The following TNR variants were observed in gnomAD, a reference collection of about 807,000 sequenced individuals.
The protein encoded by TNR is tenascin-R.
TNR carries 45 observed loss-of-function variants against 150.4 expected under a neutral mutation model. That is an observed-to-expected ratio of 0.30 (90% CI 0.24 to 0.38). TNR has a LOEUF of 0.38. TNR is among the 10% of genes least tolerant of loss of function. TNR has a pLI of 1.00. For missense variants in TNR, 1,544 were observed against 1,759.1 expected (o/e 0.88, Z 2.19); for synonymous variants, 687 against 678.4 (o/e 1.01, Z -0.20).
intron 2 of TNR, among the ~76,000 whole-genome samples, chr1:175,480,335 G>A (rs1657728345): frequency 1.4e-5 from 2 of 137,958 alleles, no homozygotes; most frequent in Admixed American, 7.9e-5. Flanking sequence ...AGAGAGAGAA[G>A]GAAGGAAGGA....
intron 9 of TNR, 97 bp downstream of exon 9, chr1:175,379,455 A>C: frequency 1.8e-4 from 179 of 982,198 alleles, no homozygotes; most frequent in Non-Finnish European, 2.3e-4. Context: ...ATCAATAGGA[A>C]TTGGCCATGG....
At chr1:175,656,265 C>A (rs368913423) in intron 1 of TNR, among the ~76,000 whole-genome samples, 2 of 151,796 alleles carry the variant, frequency 1.3e-5, no homozygotes, top group East Asian at 3.9e-4. Flanking sequence ...CCTGTGCCAA[C>A]CCTGAGGTGT....
At chr1:175,467,906 T>A (rs910505483) in intron 2 of TNR, among the ~76,000 whole-genome samples, 3 of 152,238 alleles carry the variant, frequency 2.0e-5, no homozygotes, top group Non-Finnish European at 4.4e-5. Flanking sequence ...GAAAAATAGA[T>A]TCAGCCTACT....
chr1:175,533,909 A>G (rs1660169329), intron 1 of TNR, among the ~76,000 whole-genome samples: 1 of 152,234 alleles, frequency 6.6e-6, no homozygotes, highest in South Asian at 2.1e-4. Context: ...AAAAGCACAC[A>G]GTCACATTTT....
At chr1:175,361,373 C>A (rs1473702524) in intron 14 of TNR, among the ~76,000 whole-genome samples, 1 of 152,114 alleles carries the variant, frequency 6.6e-6, no homozygotes, top group Non-Finnish European at 1.5e-5. Flanking sequence ...ATAGAGGCTT[C>A]TTTTGGTGTA....
chr1:175,587,776 T>C (rs1276932766), intron 1 of TNR, among the ~76,000 whole-genome samples: 1 of 152,210 alleles, frequency 6.6e-6, no homozygotes, highest in Admixed American at 6.5e-5. Flanking sequence ...AGGTGATTTT[T>C]AATGTGCAGA....
intron 2 of TNR, among the ~76,000 whole-genome samples, chr1:175,517,795 G>A (rs1006250623): frequency 2.9e-4 from 44 of 152,124 alleles, no homozygotes; most frequent in African/African-American, 9.7e-4. Flanking sequence ...TTTGCTGTGC[G>A]TCTTGCTCAC....
intron 1 of TNR, among the ~76,000 whole-genome samples, chr1:175,618,335 A>G (rs1335482302): frequency 6.6e-6 from 1 of 152,220 alleles, no homozygotes; most frequent in Non-Finnish European, 1.5e-5. Flanking sequence ...AAGTGATATC[A>G]TTAGAGCCCA....
chr1:175,700,956 T>C (rs1047416862), intron 1 of TNR, among the ~76,000 whole-genome samples: 1 of 152,174 alleles, frequency 6.6e-6, no homozygotes, highest in Non-Finnish European at 1.5e-5. Context: ...TCCAAATAAA[T>C]ACCCATCTTC....
Position 175,365,940 on chromosome 1 carries a change from A to T in TNR, c.2252T>A (p.Ile751Asn). The T allele has an allele frequency of 6.2e-7, 1 of 1,614,076 alleles. No homozygotes were observed. The change falls in exon 11 of 23, where the codon ATC becomes AAC. Residue 751 changes from isoleucine to asparagine, a missense_variant. Physicochemically the swap from Ile to Asn is moderately radical, Grantham distance 149. Coordinates refer to ENST00000367674, the MANE Select transcript of TNR (RefSeq NM_003285.3). ...LTDLEPGAEY[I>N]ISVTAERGRQ... The stretch of plus-strand genomic sequence containing the variant: ...ACCCCTCTCAGCAGTGACGGAAATG[A>T]TGTACTCTGCCCCAGGCTCTAGATC...
intron 2 of TNR, among the ~76,000 whole-genome samples, chr1:175,427,568 A>G (rs1429370742): frequency 6.6e-6 from 1 of 152,186 alleles, no homozygotes; most frequent in Non-Finnish European, 1.5e-5. Flanking sequence ...AGGCTAGTTC[A>G]TGAAGAAGAA....
intron 1 of TNR, among the ~76,000 whole-genome samples, chr1:175,681,845 G>A (rs1294513059): frequency 6.6e-6 from 1 of 152,160 alleles, no homozygotes; most frequent in Non-Finnish European, 1.5e-5. Context: ...AGTTCTGTTG[G>A]CGTCTCCACC....
At chr1:175,375,773 G>A (rs1310057743) in intron 9 of TNR, among the ~76,000 whole-genome samples, 3 of 152,166 alleles carry the variant, frequency 2.0e-5, no homozygotes, top group South Asian at 2.1e-4. Context: ...AGGCTGCCAC[G>A]GCTTCAGGTC....
intron 1 of TNR, among the ~76,000 whole-genome samples, chr1:175,606,943 G>T (rs1663428005): frequency 6.6e-6 from 1 of 152,160 alleles, no homozygotes; most frequent in South Asian, 2.1e-4. Flanking sequence ...CTGAAATGTT[G>T]CCTTTGCTTG....
At chr1:175,547,648 AAAGGAAG>A (rs1319291220) in intron 1 of TNR, among the ~76,000 whole-genome samples, 27 of 143,706 alleles carry the variant, frequency 1.9e-4, no homozygotes, top group African/African-American at 7.5e-4. Context: ...AGAAAGAAAG[AAAGGAAG>A]AAGAAAGAAA....
At chr1:175,704,581 C>T (rs1452244151) in intron 1 of TNR, among the ~76,000 whole-genome samples, 2 of 152,244 alleles carry the variant, frequency 1.3e-5, no homozygotes, top group Non-Finnish European at 2.9e-5. Flanking sequence ...TTCCCCCTTT[C>T]TCCAGTCAAC....
chr1:175,675,409 A>G (rs1198786480), intron 1 of TNR, among the ~76,000 whole-genome samples: 1 of 152,222 alleles, frequency 6.6e-6, no homozygotes, highest in Non-Finnish European at 1.5e-5. Flanking sequence ...TGTGAACACA[A>G]ATATTGCATT....
At chr1:175,714,840 A>T (rs2206059) in intron 1 of TNR, among the ~76,000 whole-genome samples, 96,499 of 151,612 alleles carry the variant, frequency 0.64, 31,853 homozygotes, top group South Asian at 0.8. Context: ...GCCTGCGGGG[A>T]GCCTTGTGAG....
At chr1:175,526,638 C>A (rs1317046053) in intron 2 of TNR, among the ~76,000 whole-genome samples, 45 of 152,144 alleles carry the variant, frequency 3.0e-4, no homozygotes, top group Non-Finnish European at 4.4e-5. Flanking sequence ...CTATCTGGGA[C>A]CATTTAAATT....
Sources: allele counts gnomAD v4.1 joint callset (sites outside exome capture counted in the v4.1 genomes callset), GRCh38; gene constraint gnomAD v4.1.1; transcripts MANE v1.5; gene names NCBI Gene and HGNC (gene_info 2026-07-23, HGNC 2026-07-21).